The following AMPH variants were observed in gnomAD, a reference collection of about 807,000 sequenced individuals.
AMPH encodes amphiphysin.
Under a neutral mutation model 99.1 loss-of-function variants are expected in AMPH, and 49 were observed. The ratio of observed to expected loss-of-function variants is 0.49; its 90% confidence interval spans 0.39 to 0.63. The LOEUF is 0.63. AMPH is among the 20% of genes least tolerant of loss of function. The pLI, the probability that AMPH is intolerant of heterozygous loss-of-function variation, is 0.00. For missense variants in AMPH, 759 were observed against 863.4 expected (o/e 0.88, Z 1.52); for synonymous variants, 314 against 317.3 (o/e 0.99, Z 0.11).
chr7:38,553,159 T>C (rs1004843935), intron 1 of AMPH, among the ~76,000 whole-genome samples: 4 of 152,358 alleles, frequency 2.6e-5, no homozygotes, highest in Admixed American at 2.6e-4. Flanking sequence ...CTGGGACCAG[T>C]TGTACCATTT....
At chr7:38,538,109 T>G (rs1198191526) in intron 1 of AMPH, among the ~76,000 whole-genome samples, 1 of 152,212 alleles carries the variant, frequency 6.6e-6, no homozygotes, top group East Asian at 1.9e-4. Context: ...AATAGTTTGT[T>G]GCTAGAGTTA....
chr7:38,449,094 G>A (rs1341955418), intron 11 of AMPH, among the ~76,000 whole-genome samples: 1 of 152,150 alleles, frequency 6.6e-6, no homozygotes, highest in South Asian at 2.1e-4. Context: ...GACTAAACTG[G>A]TTGAGTAAAG....
At chr7:38,534,685 A>C (rs1219297029) in intron 2 of AMPH, among the ~76,000 whole-genome samples, 1 of 152,120 alleles carries the variant, frequency 6.6e-6, no homozygotes, top group Non-Finnish European at 1.5e-5. Context: ...TCAAAAACTA[A>C]AATATTATAA....
At chr7:38,489,589 A>C (rs1475137185) in intron 5 of AMPH, among the ~76,000 whole-genome samples, 1 of 152,154 alleles carries the variant, frequency 6.6e-6, no homozygotes, top group African/African-American at 2.4e-5. Flanking sequence ...AATGCAAGCT[A>C]TAGAAATGGA....
At chr7:38,517,704 A>C (rs1789802664) in intron 2 of AMPH, among the ~76,000 whole-genome samples, 1 of 152,228 alleles carries the variant, frequency 6.6e-6, no homozygotes, top group Non-Finnish European at 1.5e-5. Flanking sequence ...AGAGAAAAGA[A>C]ATTACTTAAA....
At chr7:38,431,440 A>G (rs1415252339) in intron 13 of AMPH, among the ~76,000 whole-genome samples, 3 of 152,146 alleles carry the variant, frequency 2.0e-5, no homozygotes, top group Admixed American at 1.3e-4. Context: ...GGCAGATCAC[A>G]AGGTCAGCAG....
At chr7:38,521,436 G>A (rs991352654) in intron 2 of AMPH, among the ~76,000 whole-genome samples, 4 of 152,122 alleles carry the variant, frequency 2.6e-5, no homozygotes, top group Admixed American at 2.0e-4. Flanking sequence ...CAGGAGAATC[G>A]CTTGAACCCG....
chr7:38,608,667 G>A (rs918784876), intron 1 of AMPH, among the ~76,000 whole-genome samples: 5 of 152,092 alleles, frequency 3.3e-5, no homozygotes, highest in African/African-American at 1.2e-4. Flanking sequence ...AATCAATACT[G>A]ACATCAAACA....
chr7:38,557,495 TCTC>T (rs1163991760), intron 1 of AMPH, among the ~76,000 whole-genome samples: 17 of 152,168 alleles, frequency 1.1e-4, no homozygotes, highest in African/African-American at 3.9e-4. Context: ...CACTCATTCT[TCTC>T]CTTGCTGCTG....
At chr7:38,480,177 G>A (rs1201054948) in intron 5 of AMPH, among the ~76,000 whole-genome samples, 1 of 152,116 alleles carries the variant, frequency 6.6e-6, no homozygotes, top group Non-Finnish European at 1.5e-5. Flanking sequence ...TTACTTTTAG[G>A]AAATGTGGAG....
intron 1 of AMPH, among the ~76,000 whole-genome samples, chr7:38,557,685 A>G (rs1158297630): frequency 6.6e-6 from 1 of 152,188 alleles, no homozygotes; most frequent in East Asian, 1.9e-4. Flanking sequence ...GCCCTGCTGT[A>G]ATCTCTGGAG....
At chr7:38,445,823 A>T (rs923627892) in intron 11 of AMPH, among the ~76,000 whole-genome samples, 1 of 152,148 alleles carries the variant, frequency 6.6e-6, no homozygotes, top group Admixed American at 6.5e-5. Context: ...GTCTGGTGGG[A>T]GATGACTGGA....
intron 1 of AMPH, among the ~76,000 whole-genome samples, chr7:38,592,091 G>T (rs1004803876): frequency 6.6e-6 from 1 of 152,186 alleles, no homozygotes; most frequent in African/African-American, 2.4e-5. Flanking sequence ...AAAACAAAGG[G>T]ATGGGGCAAA....
chr7:38,429,738 G>T (rs961948642), intron 14 of AMPH, 104 bp downstream of exon 14: 3 of 1,384,590 alleles, frequency 2.2e-6, no homozygotes. Flanking sequence ...TTAAATCTAT[G>T]ACTAGCAATG....
intron 9 of AMPH, chr7:38,464,151 C>A (rs1017362928): frequency 4.7e-6 from 6 of 1,286,962 alleles, no homozygotes; most frequent in Admixed American, 2.3e-5. Flanking sequence ...GTGGTCATGG[C>A]CCCGCTTTTT....
intron 18 of AMPH, chr7:38,392,664 C>G (rs559156815): frequency 6.5e-6 from 1 of 153,030 alleles, no homozygotes. Context: ...GGATTACAGG[C>G]GTGAGCCACC....
At chr7:38,506,975 C>T (rs1393220627) in intron 2 of AMPH, among the ~76,000 whole-genome samples, 2 of 152,114 alleles carry the variant, frequency 1.3e-5, no homozygotes, top group Admixed American at 1.3e-4. Context: ...CAGAGCCGGC[C>T]ATGAAAAGGG....
intron 1 of AMPH, among the ~76,000 whole-genome samples, chr7:38,560,498 C>G (rs184891337): frequency 6.6e-6 from 1 of 152,296 alleles, no homozygotes; most frequent in Admixed American, 6.5e-5. Context: ...TGGTTTGTTA[C>G]ACAGTGCAAG....
chr7:38,561,596 G>A lies in AMPH; in HGVS notation c.70-26585C>T, dbSNP rs114524537. Among the ~76,000 whole-genome samples, 898 of 152,336 alleles carry A rather than the reference G, an allele frequency of 5.9e-3. 13 individuals are homozygous for A. Among genetic ancestry groups the A allele is most frequent in the African/African-American group, 0.02 (850 of 41,574 alleles). On this transcript the variant is annotated intron_variant, in intron 1 of 20. Coordinates refer to ENST00000356264, the MANE Select transcript of AMPH (RefSeq NM_001635.4). ...GCACTTGATTGAACCCTCAATGAAG[G>A]AGAAAGGTGGAACCACTTCCGGTTC...
Sources: gnomAD v4.1 joint callset for allele counts (sites outside exome capture counted in the v4.1 genomes callset) on GRCh38, gnomAD v4.1.1 for gene constraint, MANE v1.5 for transcripts, NCBI Gene and HGNC (gene_info 2026-07-23, HGNC 2026-07-21) for gene names.